The following BBX variants were observed in gnomAD, a reference collection of about 807,000 sequenced individuals.
BBX encodes the protein HMG box transcription factor BBX.
A neutral mutation model predicts 100.2 loss-of-function variants in BBX; 30 were observed. The observed-to-expected ratio is 0.30, with a 90% confidence interval of 0.22 to 0.41. BBX has a LOEUF of 0.41. Among genes scored for constraint, BBX ranks in the 10% least tolerant of loss-of-function variants. BBX has a pLI of 1.00. For synonymous variants in BBX, 376 were observed against 388.1 expected, an observed-to-expected ratio of 0.97 and a Z score of 0.37; for missense variants, 1,023 against 1,129.8, an observed-to-expected ratio of 0.91 and a Z score of 1.35.
chr3:107,758,350 C>G (rs537034969), intron 10 of BBX, among the ~76,000 whole-genome samples: 2 of 152,066 alleles, frequency 1.3e-5, no homozygotes, highest in South Asian at 4.2e-4. Flanking sequence ...CGGAATGGCC[C>G]GCTGTACTTT....
intron 7 of BBX, among the ~76,000 whole-genome samples, chr3:107,734,233 A>G (rs2063500408): frequency 6.6e-6 from 1 of 152,192 alleles, no homozygotes; most frequent in Non-Finnish European, 1.5e-5. Context: ...GGGATCCACA[A>G]TTGTTGACTA....
At chr3:107,726,461 T>TATA (rs2062944680) in intron 5 of BBX, among the ~76,000 whole-genome samples, 1 of 151,878 alleles carries the variant, frequency 6.6e-6, no homozygotes, top group South Asian at 2.1e-4. Flanking sequence ...CCACTCAATT[T>TATA]ATACTTGATG....
intron 2 of BBX, among the ~76,000 whole-genome samples, chr3:107,643,029 C>A (rs932470177): frequency 6.6e-6 from 1 of 152,120 alleles, no homozygotes; most frequent in East Asian, 1.9e-4. Context: ...TCTGCACTGA[C>A]TAGGTAGTAG....
intron 10 of BBX, among the ~76,000 whole-genome samples, chr3:107,762,502 G>A (rs779449878): frequency 6.6e-6 from 1 of 152,168 alleles, no homozygotes; most frequent in South Asian, 2.1e-4. Context: ...TCTGGCACAA[G>A]CGTTCGGGTT....
At chr3:107,802,705 G>T (rs1381454884) in intron 17 of BBX, among the ~76,000 whole-genome samples, 2 of 152,296 alleles carry the variant, frequency 1.3e-5, no homozygotes, top group East Asian at 3.9e-4. Flanking sequence ...CTGTTAACCA[G>T]CCCTCCATGG....
chr3:107,753,035 G>C (rs2065195720), intron 9 of BBX, among the ~76,000 whole-genome samples: 1 of 152,124 alleles, frequency 6.6e-6, no homozygotes, highest in South Asian at 2.1e-4. Context: ...TACTGAGAGA[G>C]GGTCCTAAGA....
intron 17 of BBX, 44 bp downstream of exon 17, chr3:107,801,325 A>G: frequency 1.3e-6 from 2 of 1,588,494 alleles, no homozygotes; most frequent in Non-Finnish European, 1.7e-6. Flanking sequence ...TGGAAACCAG[A>G]TCAACCTCTT....
chr3:107,726,001 T>C (rs995390980), intron 5 of BBX, among the ~76,000 whole-genome samples: 5 of 152,034 alleles, frequency 3.3e-5, no homozygotes, highest in Admixed American at 2.6e-4. Context: ...CCTCCCACCA[T>C]CAGTATGAAC....
At chr3:107,794,024 G>T (rs1180132588) in intron 15 of BBX, among the ~76,000 whole-genome samples, 1 of 152,026 alleles carries the variant, frequency 6.6e-6, no homozygotes, top group Non-Finnish European at 1.5e-5. Context: ...TAGAATTAAA[G>T]GTAGGATTTT....
intron 10 of BBX, among the ~76,000 whole-genome samples, chr3:107,769,009 G>A (rs2066626129): frequency 2.5e-5 from 1 of 39,584 alleles, no homozygotes; most frequent in African/African-American, 7.3e-5. Flanking sequence ...GTGGGGGGCG[G>A]CGGGGGGGGG....
chr3:107,659,389 A>G (rs1054166991), intron 3 of BBX, among the ~76,000 whole-genome samples: 13 of 152,026 alleles, frequency 8.6e-5, no homozygotes, highest in African/African-American at 3.1e-4. Context: ...TATATTAACT[A>G]GAGTTCAATA....
intron 7 of BBX, among the ~76,000 whole-genome samples, chr3:107,740,862 A>G (rs1366505582): frequency 1.3e-5 from 2 of 151,030 alleles, no homozygotes; most frequent in African/African-American, 2.4e-5. Context: ...TTCTACCATT[A>G]TGCACTTACA....
At chr3:107,778,618 A>G in intron 13 of BBX, 99 bp downstream of exon 13, 1 of 1,323,164 alleles carries the variant, frequency 7.6e-7, no homozygotes, top group Non-Finnish European at 1.0e-6. Context: ...TGGATTTGGA[A>G]TTGAGGCAGT....
chr3:107,630,117 A>T (rs1281720718), intron 2 of BBX, among the ~76,000 whole-genome samples: 1 of 152,098 alleles, frequency 6.6e-6, no homozygotes, highest in Non-Finnish European at 1.5e-5. Context: ...CTCAAGTCTG[A>T]CGGCACCTTA....
At chr3:107,710,813 G>A (rs2061670570) in intron 4 of BBX, among the ~76,000 whole-genome samples, 191 bp downstream of exon 4, 2 of 152,060 alleles carry the variant, frequency 1.3e-5, no homozygotes. Context: ...CTTCCTAATA[G>A]TGTAGACTGA....
In BBX at chr3:107,744,609, TG is replaced by T. The variant is rs3838316; in HGVS notation, c.670-20del. ...ACAGTAAATAGTACAAAAGAAAATA[TG>T]ATATCTTTCTTTGTTTCAGGTATCC... On this transcript the variant is annotated intron_variant, in intron 7 of 17. Transcript: ENST00000325805. The T allele has an allele frequency of 0.4, 641,845 of 1,592,244 alleles. 136,959 individuals are homozygous for T. The highest frequency in any genetic ancestry group is 0.89 in the East Asian group (39,776 of 44,698).
chr3:107,661,520 T>C (rs1299348600), intron 3 of BBX, among the ~76,000 whole-genome samples: 1 of 152,152 alleles, frequency 6.6e-6, no homozygotes, highest in African/African-American at 2.4e-5. Context: ...TTTTAATAGG[T>C]AAAGTTACAA....
intron 13 of BBX, among the ~76,000 whole-genome samples, chr3:107,789,002 C>T (rs193047167): frequency 1.3e-5 from 2 of 152,090 alleles, no homozygotes; most frequent in African/African-American, 2.4e-5. Flanking sequence ...TGGTGTTGAG[C>T]TGGACAAGGA....
Position 107,805,512 on chromosome 3 carries a change from T to C in BBX, c.*55T>C, listed in dbSNP as rs2071002409. 6.2e-7 allele frequency: 1 copy of C among 1,613,618 alleles called. No individual in the cohort carries two copies. Among genetic ancestry groups the C allele is most frequent in the Non-Finnish European group, 8.5e-7 (1 of 1,179,754 alleles). The stretch of plus-strand genomic sequence containing the variant: ...TTACCTACTACCCTAGCCTTGTCTT[T>C]ACCGAGGGATGCTAGTGAGTCCAAG... On this transcript the variant is annotated 3_prime_UTR_variant, in exon 18 of 18. Coordinates refer to ENST00000325805, the MANE Select transcript of BBX (RefSeq NM_001142568.3).
Sources: allele counts gnomAD v4.1 joint callset (sites outside exome capture counted in the v4.1 genomes callset), GRCh38; gene constraint gnomAD v4.1.1; transcripts MANE v1.5; gene names NCBI Gene and HGNC (gene_info 2026-07-23, HGNC 2026-07-21).